EVI5L: variants seen among roughly 807,000 people sequenced by gnomAD.
EVI5L encodes EVI5-like protein.
In EVI5L, 30 loss-of-function variants were observed where a neutral mutation model predicts 106.1. The ratio of observed to expected loss-of-function variants is 0.28; its 90% CI spans 0.21 to 0.38. The LOEUF is 0.38. EVI5L is among the 10% of genes least tolerant of loss of function. The pLI, the probability that EVI5L is intolerant of heterozygous loss-of-function variation, is 1.00. For synonymous variants in EVI5L, 489 were observed against 483.3 expected, an observed-to-expected ratio of 1.01 and a Z score of -0.15; for missense variants, 809 against 1,098.0, an observed-to-expected ratio of 0.74 and a Z score of 3.72.
At chr19:7,853,898 G>T (rs1979388683) in intron 10 of EVI5L, among the ~76,000 whole-genome samples, 1 of 152,228 alleles carries the variant, frequency 6.6e-6, no homozygotes, top group African/African-American at 2.4e-5. Context: ...CACCAGCCCT[G>T]CCAGGTCAGG....
In EVI5L at chr19:7,857,258, A is replaced by G; in HGVS notation, c.1233+134A>G. ...GGCGCCATGCATGGAGCAGCTGGGG[A>G]CCGCTTCTGGGGGACACAGAGGCTT... On this transcript the variant is annotated intron_variant, in intron 12 of 19. Transcript: ENST00000538904. This position sits in a 1 kb window ranked among gnomAD's most constrained non-coding sequence, Gnocchi z 4.5. 7.9e-7 allele frequency: 1 copy of G among 1,267,526 alleles called. No individual in the cohort carries two copies. The highest frequency in any genetic ancestry group is 1.1e-6 in the Non-Finnish European group (1 of 893,450). 78.5% of individuals were successfully genotyped at this position (1,267,526 alleles called of 1,614,324 possible).
chr19:7,860,446 G>C (rs1979744400), intron 13 of EVI5L, 115 bp from the exon 14 acceptor site: 1 of 893,822 alleles, frequency 1.1e-6, no homozygotes, highest in Non-Finnish European at 1.6e-6. Flanking sequence ...CCCCAAGCCT[G>C]GGCCCCTCTC....
At chr19:7,832,422 G>A (rs139902767) in intron 1 of EVI5L, among the ~76,000 whole-genome samples, 79 of 152,320 alleles carry the variant, frequency 5.2e-4, no homozygotes, top group Middle Eastern at 6.8e-3. Flanking sequence ...ATTCACTAGC[G>A]GATTGTGGAC....
chr19:7,832,650 C>T (rs542089317), intron 1 of EVI5L, among the ~76,000 whole-genome samples: 8 of 152,148 alleles, frequency 5.3e-5, no homozygotes, highest in South Asian at 2.1e-4. Context: ...CAGGTCCCTG[C>T]GAGGGTCTTA....
chr19:7,858,534 T>G lies in EVI5L; in HGVS notation c.1374+203T>G. ...TCTGAGACATCCTGATATCCATTTC[T>G]TGCCACCTCATAGTGTGTCTGCAGT... On this transcript the variant is annotated intron_variant, in intron 13 of 19. Transcript: ENST00000538904. The surrounding 1 kb of genome is among the most constrained non-coding windows in gnomAD (Gnocchi z 5.7). 1.5e-6 allele frequency: 1 copy of G among 677,286 alleles called. No individual in the cohort carries two copies. 42.0% of individuals were successfully genotyped at this position (677,286 alleles called of 1,614,324 possible).
At chr19:7,839,532 G>T (rs1416118329) in intron 1 of EVI5L, among the ~76,000 whole-genome samples, 1 of 152,172 alleles carries the variant, frequency 6.6e-6, no homozygotes, top group Non-Finnish European at 1.5e-5. Flanking sequence ...GGCAGGCAAT[G>T]ACGTGGCAAG....
At chr19:7,862,918 G>C in intron 17 of EVI5L, 54 bp from the exon 18 acceptor site, 1 of 1,293,888 alleles carries the variant, frequency 7.7e-7, no homozygotes, top group Non-Finnish European at 1.1e-6. Flanking sequence ...CCCGCCCCCT[G>C]ATGCGCCGCG....
intron 1 of EVI5L, among the ~76,000 whole-genome samples, chr19:7,838,694 A>G (rs1254614344): frequency 2.0e-5 from 3 of 152,136 alleles, no homozygotes; most frequent in Non-Finnish European, 4.4e-5. Flanking sequence ...ACCCTAGGGC[A>G]GGCAGGCAGG....
intron 9 of EVI5L, 32 bp from the exon 10 acceptor site, chr19:7,853,241 G>C (rs1167819333): frequency 6.2e-7 from 1 of 1,613,842 alleles, no homozygotes; most frequent in Non-Finnish European, 8.5e-7. Context: ...CCGAGGGCAT[G>C]ACAGTAACCA....
At chr19:7,833,775 G>A (rs959858063) in intron 1 of EVI5L, among the ~76,000 whole-genome samples, 5 of 152,178 alleles carry the variant, frequency 3.3e-5, no homozygotes, top group Non-Finnish European at 7.4e-5. Context: ...CCCCAGCAAA[G>A]GGGATCCCTA....
intron 1 of EVI5L, among the ~76,000 whole-genome samples, chr19:7,838,930 A>C (rs1429499427): frequency 6.6e-6 from 1 of 151,976 alleles, no homozygotes; most frequent in Non-Finnish European, 1.5e-5. Context: ...TCAAGTCTGC[A>C]GTGAACAGTG....
rs1277588837 is a variant in EVI5L, at chr19:7,830,323, CGGCGGCTCAGCCCGG to C, written c.-99_-85del. On this transcript the variant is annotated 5_prime_UTR_variant, in exon 1 of 20. Transcript: ENST00000538904. Reference sequence around the variant, plus strand: ...CGGGGCGAACGGCGCGGCTAGGATCCGGCGGCTCAGCCCGGGGCGGCGAGGCTCGGCACGGAGATG... The same window carrying C: ...CGGGGCGAACGGCGCGGCTAGGATCCGGCGGCGAGGCTCGGCACGGAGATG... 1 of 151,122 alleles carries C rather than the reference CGGCGGCTCAGCCCGG, an allele frequency of 6.6e-6. No individual in the cohort carries two copies. The highest frequency in any genetic ancestry group is 1.9e-4 in the East Asian group (1 of 5,150). The allele number at this position is 151,122 out of a possible 1,614,324, so 9.4% of individuals were successfully genotyped here.
intron 1 of EVI5L, among the ~76,000 whole-genome samples, chr19:7,830,611 C>T (rs1462322015): frequency 1.3e-5 from 2 of 149,308 alleles, no homozygotes; most frequent in African/African-American, 4.9e-5. Flanking sequence ...TCCCCCTCCC[C>T]CACTCCGTCC....
intron 10 of EVI5L, among the ~76,000 whole-genome samples, chr19:7,853,856 C>T (rs1979385895): frequency 6.6e-6 from 1 of 152,216 alleles, no homozygotes; most frequent in Admixed American, 6.5e-5. Flanking sequence ...TGGGCACTCA[C>T]CCGGGGCCCC....
Position 7,862,929 on chromosome 19 carries a change from C to G in EVI5L, c.1948-43C>G, listed in dbSNP as rs1169152009. 5 of 1,312,138 alleles carry G rather than the reference C, an allele frequency of 3.8e-6. No individual in the cohort carries two copies. In the Admixed American group the frequency reaches 1.1e-4, roughly 28 times the overall value. 81.3% of individuals were successfully genotyped at this position (1,312,138 alleles called of 1,614,324 possible). On this transcript the variant is annotated intron_variant, in intron 17 of 19. Coordinates refer to ENST00000538904, the MANE Select transcript of EVI5L (RefSeq NM_001159944.3). The stretch of plus-strand genomic sequence containing the variant: ...CGGTCCCGCCCCCTGATGCGCCGCG[C>G]CCCCTGACCCGCCCTCCTTTCCCCC...
intron 1 of EVI5L, among the ~76,000 whole-genome samples, chr19:7,838,091 G>GTTA (rs1568232516): frequency 6.7e-6 from 1 of 150,024 alleles, no homozygotes; most frequent in African/African-American, 2.4e-5. Flanking sequence ...TTTTTTTTTG[G>GTTA]TTGGTTTTTT....
chr19:7,838,024 G>A (rs1163072582), intron 1 of EVI5L, among the ~76,000 whole-genome samples: 1 of 151,756 alleles, frequency 6.6e-6, no homozygotes, highest in Non-Finnish European at 1.5e-5. Context: ...TTTTGAGGAA[G>A]GTGGAGTAGG....
rs986157005 is a variant in EVI5L, at chr19:7,857,810, G to A, written c.1234-381G>A. The stretch of plus-strand genomic sequence containing the variant: ...CTGGGGAGCCCAGCCCTCTCCTGCC[G>A]GGGCCTCAGCTGTCCCCAGATCCTC... On this transcript the variant is annotated intron_variant, in intron 12 of 19. Coordinates refer to ENST00000538904, the MANE Select transcript of EVI5L (RefSeq NM_001159944.3). This position sits in a 1 kb window ranked among gnomAD's most constrained non-coding sequence, Gnocchi z 4.5. The A allele has an allele frequency of 4.9e-5, 11 of 223,334 alleles. No individual in the cohort carries two copies. In the Admixed American group the frequency reaches 5.2e-4, roughly 11 times the overall value. The allele number at this position is 223,334 out of a possible 1,614,324, so 13.8% of individuals were successfully genotyped here. A position where few individuals can be genotyped will look rare whatever the true frequency, so the allele number is the denominator to read the frequency against.
In EVI5L at chr19:7,852,118, C is replaced by T. The variant is rs1183967665; in HGVS notation, c.987+348C>T. Among the ~76,000 whole-genome samples the T allele has an allele frequency of 2.6e-5, 4 of 152,206 alleles. No homozygotes were observed. In the South Asian group the frequency reaches 6.2e-4, roughly 24 times the overall value. ...CTGACTGACCATGAGGGCATCCCCA[C>T]CCTGCCGCCCAGCCTGGTGAGGGCA... is the stretch of plus-strand genomic sequence containing the variant. On this transcript the variant is annotated intron_variant, in intron 8 of 19. Coordinates refer to ENST00000538904, the MANE Select transcript of EVI5L (RefSeq NM_001159944.3).
Sources: gnomAD v4.1 joint callset for allele counts (sites outside exome capture counted in the v4.1 genomes callset) on GRCh38, gnomAD v4.1.1 for gene constraint, Gnocchi (gnomAD v3.1) non-coding constraint, MANE v1.5 for transcripts, NCBI Gene and HGNC (gene_info 2026-07-23, HGNC 2026-07-21) for gene names.